TASP1: variants seen among roughly 807,000 people sequenced by gnomAD.
The protein encoded by TASP1 is threonine aspartase 1.
In TASP1, 16 loss-of-function variants were observed where a neutral mutation model predicts 56.6. That is an observed-to-expected ratio of 0.28 (90% CI 0.19 to 0.43). TASP1 has a LOEUF of 0.43. Among genes scored for constraint, TASP1 ranks in the 20% least tolerant of loss-of-function variants. The pLI, the probability that TASP1 is intolerant of heterozygous loss-of-function variation, is 1.00. For missense variants in TASP1, 393 were observed against 511.6 expected, an observed-to-expected ratio of 0.77 and a Z score of 2.24; for synonymous variants, 179 against 184.2, an observed-to-expected ratio of 0.97 and a Z score of 0.23.
At chr20:13,441,509 A>G (rs958783464) in intron 11 of TASP1, among the ~76,000 whole-genome samples, 2 of 152,196 alleles carry the variant, frequency 1.3e-5, no homozygotes, top group African/African-American at 2.4e-5. Flanking sequence ...GGAGCTAACC[A>G]TGTGATAATC....
At chr20:13,363,768 T>C in the TASP1 span, among the ~76,000 whole-genome samples, 2 of 152,220 alleles carry the variant, frequency 1.3e-5, no homozygotes, top group East Asian at 1.9e-4. Flanking sequence ...CAATGCAGAA[T>C]TGCTTGTTAG....
chr20:13,398,751 T>C (rs2041634793), intron 13 of TASP1, among the ~76,000 whole-genome samples: 1 of 152,240 alleles, frequency 6.6e-6, no homozygotes, highest in Non-Finnish European at 1.5e-5. Context: ...AAAATGTCTA[T>C]GAAGTGTTTT....
rs537670945 is a variant in TASP1, at chr20:13,608,342, T to C, written c.282+15104A>G. ...CCAATTAAGCTCAAATTTTCAAGAA[T>C]TGGATGGTTAAAAGATTTCCAATTT... On this transcript the variant is annotated intron_variant, in intron 4 of 13. Coordinates refer to ENST00000337743, the MANE Select transcript of TASP1 (RefSeq NM_017714.3). 2.6e-5 allele frequency among the ~76,000 whole-genome samples: 4 copies of C among 152,320 alleles called. No homozygotes were observed. The East Asian group carries it at 7.7e-4, about 29-fold the overall frequency.
At chr20:13,378,483 T>G in the TASP1 span, among the ~76,000 whole-genome samples, 4 of 152,160 alleles carry the variant, frequency 2.6e-5, no homozygotes. Flanking sequence ...TGAGGAGTGT[T>G]TTACTTCCAA....
chr20:13,153,269 C>T, the TASP1 span, among the ~76,000 whole-genome samples: 4 of 152,176 alleles, frequency 2.6e-5, no homozygotes, highest in Non-Finnish European at 5.9e-5. Flanking sequence ...CATGCGTGAA[C>T]TCTGCACTGG....
At chr20:13,576,252 GAT>G (rs2147178590) in intron 6 of TASP1, among the ~76,000 whole-genome samples, 1 of 145,686 alleles carries the variant, frequency 6.9e-6, no homozygotes, top group South Asian at 2.2e-4. Context: ...GGGAAGGGAA[GAT>G]AAGAGAAGAG....
rs369982100 is a variant in TASP1, at chr20:13,617,815, G to A, written c.282+5631C>T. The stretch of plus-strand genomic sequence containing the variant: ...AGAAAACTTGTTATAAGTTTGGTGA[G>A]GTGAAAAGGGAAATTATCGGCCCTT... On this transcript the variant is annotated intron_variant, in intron 4 of 13. Transcript: ENST00000337743. 3.3e-5 allele frequency among the ~76,000 whole-genome samples: 5 copies of A among 152,172 alleles called. No homozygotes were observed. In the East Asian group the frequency reaches 9.7e-4, roughly 29 times the overall value.
intron 12 of TASP1, among the ~76,000 whole-genome samples, chr20:13,423,854 T>G (rs2042531507): frequency 6.6e-6 from 1 of 152,246 alleles, no homozygotes; most frequent in Admixed American, 6.5e-5. Flanking sequence ...CCTGTTTAGA[T>G]GAAGACATTC....
chr20:13,576,829 A>G (rs768561957), intron 6 of TASP1, among the ~76,000 whole-genome samples: 2 of 152,200 alleles, frequency 1.3e-5, no homozygotes, highest in Non-Finnish European at 2.9e-5. Flanking sequence ...TAGCATTATT[A>G]TATAATTTTA....
chr20:13,191,384 T>C, the TASP1 span, among the ~76,000 whole-genome samples: 3 of 152,186 alleles, frequency 2.0e-5, no homozygotes, highest in Non-Finnish European at 4.4e-5. Context: ...GTAGTATATA[T>C]ACACAATAGA....
intron 11 of TASP1, among the ~76,000 whole-genome samples, chr20:13,440,901 G>A (rs1339489218): frequency 6.6e-6 from 1 of 152,058 alleles, no homozygotes; most frequent in Non-Finnish European, 1.5e-5. Flanking sequence ...TGCCTCTCAG[G>A]TAACACAAAA....
chr20:13,246,691 T>A, the TASP1 span, among the ~76,000 whole-genome samples: 3 of 152,218 alleles, frequency 2.0e-5, no homozygotes, highest in East Asian at 5.8e-4. Context: ...ATGATTAAAT[T>A]CCCAAGTTCT....
intron 11 of TASP1, among the ~76,000 whole-genome samples, chr20:13,478,374 C>CAT (rs56698233): frequency 0.17 from 25,146 of 151,464 alleles, 2,243 homozygotes; most frequent in Middle Eastern, 0.24. Context: ...CACACACACA[C>CAT]GAATACTATT....
chr20:13,547,598 A>G (rs2045852599), intron 8 of TASP1, among the ~76,000 whole-genome samples: 1 of 152,186 alleles, frequency 6.6e-6, no homozygotes, highest in Non-Finnish European at 1.5e-5. Flanking sequence ...TAAAGATTCT[A>G]TTAAAGTTTC....
the TASP1 span, among the ~76,000 whole-genome samples, chr20:13,260,951 T>C: frequency 1.2e-4 from 19 of 152,238 alleles, no homozygotes; most frequent in African/African-American, 4.6e-4. Context: ...GGCTGGTGAA[T>C]CTGGTATAAA....
intron 10 of TASP1, among the ~76,000 whole-genome samples, chr20:13,491,244 T>C (rs2043515300): frequency 6.6e-6 from 1 of 152,210 alleles, no homozygotes; most frequent in Non-Finnish European, 1.5e-5. Flanking sequence ...TTAACTTGAT[T>C]ATCTAGAGAC....
chr20:13,500,455 A>G (rs2146639564), intron 10 of TASP1, among the ~76,000 whole-genome samples: 1 of 151,688 alleles, frequency 6.6e-6, no homozygotes, highest in East Asian at 1.9e-4. Context: ...AGGAACAGGC[A>G]ACAGAAGTAG....
chr20:13,576,233 GGGAGC>G (rs1568602498), intron 6 of TASP1, among the ~76,000 whole-genome samples: 8 of 128,314 alleles, frequency 6.2e-5, no homozygotes, highest in South Asian at 2.5e-4. Context: ...GGGAGGGGAG[GGGAGC>G]GGAGGGAAGG....
At chr20:13,393,301 C>A in intron 13 of TASP1, 1 of 755,090 alleles carries the variant, frequency 1.3e-6, no homozygotes, top group Non-Finnish European at 2.4e-6. Flanking sequence ...ATCCCTGCAT[C>A]TACTGGCACT....
Sources: gnomAD v4.1 joint callset for allele counts (sites outside exome capture counted in the v4.1 genomes callset) on GRCh38, gnomAD v4.1.1 for gene constraint, MANE v1.5 for transcripts, NCBI Gene and HGNC (gene_info 2026-07-23, HGNC 2026-07-21) for gene names.